Variants in GNA12 observed in about 807,000 individuals in gnomAD.
GNA12 encodes the protein guanine nucleotide-binding protein subunit alpha-12.
Under a neutral mutation model 26.0 loss-of-function variants are expected in GNA12, and 9 were observed. The ratio of observed to expected loss-of-function variants is 0.35; its 90% CI spans 0.21 to 0.60. The LOEUF (loss-of-function observed/expected upper bound fraction) is 0.60. Among genes scored for constraint, GNA12 ranks in the 20% least tolerant of loss-of-function variants. The probability of loss-of-function intolerance (pLI) is 0.78; values close to 1 mark genes in which losing one functional copy is unlikely to be tolerated. For synonymous variants in GNA12, 264 were observed against 219.6 expected, an observed-to-expected ratio of 1.20 and a Z score of -1.79; for missense variants, 405 against 525.8, an observed-to-expected ratio of 0.77 and a Z score of 2.25.
intron 1 of GNA12, among the ~76,000 whole-genome samples, chr7:2,842,163 G>A (rs905785805): frequency 1.5e-4 from 22 of 144,474 alleles, no homozygotes; most frequent in African/African-American, 5.8e-4. Flanking sequence ...AGGAAGGAAG[G>A]AAAAAGGGAG....
At chr7:2,809,869 A>C (rs1793037849) in intron 1 of GNA12, among the ~76,000 whole-genome samples, 1 of 152,214 alleles carries the variant, frequency 6.6e-6, no homozygotes, top group Non-Finnish European at 1.5e-5. Context: ...GTTAGTAATA[A>C]ATATTACTTT....
intron 2 of GNA12, among the ~76,000 whole-genome samples, chr7:2,746,580 T>C (rs1421373680): frequency 1.3e-5 from 2 of 151,762 alleles, no homozygotes; most frequent in African/African-American, 2.4e-5. Flanking sequence ...AAATCTAAAA[T>C]TGACACCCTA....
rs1227046814 is a variant in GNA12 at position 2,765,956 on chromosome 7, T to C, written c.525+28972A>G. On this transcript the variant is annotated intron_variant, in intron 2 of 3. Coordinates refer to ENST00000275364, the MANE Select transcript of GNA12 (RefSeq NM_007353.3). The stretch of plus-strand genomic sequence containing the variant: ...TGCGCCCGGCTCCACATCCACTTTT[T>C]TAAAAAGTGTAGTAAAAAACATATT... 2.6e-5 allele frequency among the ~76,000 whole-genome samples: 4 copies of C among 152,122 alleles called. 1 individual carries two copies. Among genetic ancestry groups the C allele is most frequent in the South Asian group, 4.2e-4 (2 of 4,792 alleles).
intron 2 of GNA12, among the ~76,000 whole-genome samples, chr7:2,774,047 C>A (rs371428396): frequency 6.6e-6 from 1 of 152,108 alleles, no homozygotes; most frequent in Non-Finnish European, 1.5e-5. Context: ...GAAGCAGCAA[C>A]GCAGAAATAC....
chr7:2,761,209 A>C (rs956258454), intron 2 of GNA12, among the ~76,000 whole-genome samples: 7 of 152,048 alleles, frequency 4.6e-5, no homozygotes, highest in African/African-American at 1.7e-4. Flanking sequence ...AGCTCCCAGC[A>C]CAGCAGCCCC....
At chr7:2,765,480 AATGAATG>A (rs1791765179) in intron 2 of GNA12, among the ~76,000 whole-genome samples, 1 of 152,052 alleles carries the variant, frequency 6.6e-6, no homozygotes, top group Admixed American at 6.5e-5. Flanking sequence ...GACTTTGTTA[AATGAATG>A]AGCGCGCAGG....
At chr7:2,738,738 C>T (rs963263697) in intron 2 of GNA12, among the ~76,000 whole-genome samples, 1 of 152,048 alleles carries the variant, frequency 6.6e-6, no homozygotes, top group Non-Finnish European at 1.5e-5. Flanking sequence ...AAAACCAACC[C>T]CTCAAAATTG....
intron 2 of GNA12, among the ~76,000 whole-genome samples, chr7:2,774,997 G>C (rs1186221647): frequency 1.3e-5 from 2 of 152,168 alleles, no homozygotes; most frequent in Non-Finnish European, 2.9e-5. Flanking sequence ...CAATTTGGTG[G>C]CACCAGACGT....
At chr7:2,842,919 G>A (rs1326083805) in intron 1 of GNA12, among the ~76,000 whole-genome samples, 1 of 152,192 alleles carries the variant, frequency 6.6e-6, no homozygotes, top group African/African-American at 2.4e-5. Flanking sequence ...GATTGGCACA[G>A]AATTGATGAC....
intron 1 of GNA12, among the ~76,000 whole-genome samples, chr7:2,815,981 G>A (rs1370397988): frequency 5.3e-5 from 8 of 152,242 alleles, no homozygotes; most frequent in Non-Finnish European, 8.8e-5. Context: ...CCCTGGCAAA[G>A]CTGGGCCTGC....
At chr7:2,782,622 G>A (rs1265533836) in intron 2 of GNA12, among the ~76,000 whole-genome samples, 5 of 151,382 alleles carry the variant, frequency 3.3e-5, no homozygotes, top group Admixed American at 3.3e-4. Flanking sequence ...TTTGTGTTTG[G>A]TTTTCTGCAG....
At chr7:2,742,341 G>T (rs963503611) in intron 2 of GNA12, among the ~76,000 whole-genome samples, 8 of 152,122 alleles carry the variant, frequency 5.3e-5, no homozygotes, top group African/African-American at 1.9e-4. Context: ...GAAGAAGAGG[G>T]CTGCCTCCCA....
chr7:2,739,254 C>T lies in GNA12; in HGVS notation c.526-5753G>A, dbSNP rs188825162. 3.3e-5 allele frequency among the ~76,000 whole-genome samples: 5 copies of T among 152,304 alleles called. No homozygotes were observed. In the East Asian group the frequency reaches 9.6e-4, roughly 29 times the overall value. ...TACTACCTTCAAAATGTTGTACGGC[C>T]ACCACTTCTACAGCCTATCAGCCGC... On this transcript the variant is annotated intron_variant, in intron 2 of 3. Transcript: ENST00000275364.
intron 2 of GNA12, among the ~76,000 whole-genome samples, chr7:2,791,300 G>T (rs890224583): frequency 2.0e-5 from 3 of 152,200 alleles, no homozygotes; most frequent in Non-Finnish European, 4.4e-5. Context: ...TGCTCATGGG[G>T]TGTCTGCTGT....
intron 2 of GNA12, chr7:2,762,809 G>A: frequency 6.5e-7 from 1 of 1,529,392 alleles, no homozygotes; most frequent in Non-Finnish European, 8.8e-7. Context: ...ACTCAGGGCG[G>A]CCTCCCATCC....
chr7:2,771,225 A>G (rs984137432), intron 2 of GNA12, among the ~76,000 whole-genome samples: 1 of 151,984 alleles, frequency 6.6e-6, no homozygotes, highest in Non-Finnish European at 1.5e-5. Flanking sequence ...TGGGAGGTGG[A>G]GGTTGCCGTG....
In GNA12 at chr7:2,828,161, C is replaced by G. The variant is rs1047780920; in HGVS notation, c.309+15692G>C. On this transcript the variant is annotated intron_variant, in intron 1 of 3. Coordinates refer to ENST00000275364, the MANE Select transcript of GNA12 (RefSeq NM_007353.3). ...ATTCAAGATTACAAAAATTGTAAAG[C>G]AAGATTCAAACCAGAAATTAAAACA... Among the ~76,000 whole-genome samples the G allele has an allele frequency of 5.9e-5, 9 of 152,242 alleles. No individual in the cohort carries two copies. The East Asian group carries it at 1.4e-3, about 23-fold the overall frequency.
chr7:2,800,712 T>C (rs1792788263), intron 1 of GNA12, among the ~76,000 whole-genome samples: 1 of 151,930 alleles, frequency 6.6e-6, no homozygotes, highest in South Asian at 2.1e-4. Context: ...TAACTGGAGG[T>C]GGGCCTCAGA....
chr7:2,763,560 G>A (rs1435908655), intron 2 of GNA12, among the ~76,000 whole-genome samples: 1 of 152,238 alleles, frequency 6.6e-6, no homozygotes, highest in Non-Finnish European at 1.5e-5. Flanking sequence ...CAATGGTCCT[G>A]TAATCTAAGG....
Sources: gnomAD v4.1 joint callset for allele counts (sites outside exome capture counted in the v4.1 genomes callset) on GRCh38, gnomAD v4.1.1 for gene constraint, MANE v1.5 for transcripts, NCBI Gene and HGNC (gene_info 2026-07-23, HGNC 2026-07-21) for gene names.